SSBP3: variants seen among roughly 807,000 people sequenced by gnomAD.
SSBP3 encodes the protein single-stranded DNA-binding protein 3.
SSBP3 carries 5 observed loss-of-function variants against 69.6 expected under a neutral mutation model. The ratio of observed to expected loss-of-function variants is 0.07; its 90% confidence interval spans 0.04 to 0.15. The LOEUF is 0.15. Among genes scored for constraint, SSBP3 ranks in the 10% least tolerant of loss-of-function variants. The pLI, the probability that SSBP3 is intolerant of heterozygous loss-of-function variation, is 1.00. For missense variants in SSBP3, 312 were observed against 534.0 expected (o/e 0.58, Z 4.10); for synonymous variants, 196 against 193.4 (o/e 1.01, Z -0.11).
chr1:54,366,815 G>A (rs1329475646), intron 4 of SSBP3, among the ~76,000 whole-genome samples: 1 of 152,196 alleles, frequency 6.6e-6, no homozygotes. Context: ...AAACCATTCT[G>A]ATTGAATTCT....
intron 1 of SSBP3, chr1:54,405,539 G>A (rs1423911619): frequency 1.3e-5 from 2 of 153,374 alleles, no homozygotes; most frequent in Admixed American, 6.4e-5. Flanking sequence ...CGGACAAAAG[G>A]AGGCTTCGGG....
intron 4 of SSBP3, among the ~76,000 whole-genome samples, chr1:54,303,406 C>G (rs1386426246): frequency 6.6e-6 from 1 of 151,080 alleles, no homozygotes; most frequent in Non-Finnish European, 1.5e-5. Context: ...GCCCTGGCAC[C>G]AAGCCAGCCT....
chr1:54,232,547 T>C (rs1212459450), intron 14 of SSBP3, among the ~76,000 whole-genome samples: 2 of 152,160 alleles, frequency 1.3e-5, no homozygotes, highest in Non-Finnish European at 2.9e-5. Flanking sequence ...CTGGGCAACA[T>C]AGTGAGACCT....
intron 4 of SSBP3, among the ~76,000 whole-genome samples, chr1:54,395,890 G>C (rs1163953892): frequency 6.6e-6 from 1 of 151,830 alleles, no homozygotes; most frequent in Non-Finnish European, 1.5e-5. Context: ...CCTTGCCAAG[G>C]CTACAAAAAA....
At chr1:54,378,861 TC>T (rs1234189704) in intron 4 of SSBP3, among the ~76,000 whole-genome samples, 4 of 152,156 alleles carry the variant, frequency 2.6e-5, no homozygotes, top group Non-Finnish European at 5.9e-5. Context: ...TTTATCCTCC[TC>T]CGAGGAAGGA....
chr1:54,302,632 T>C (rs1028162007), intron 4 of SSBP3, among the ~76,000 whole-genome samples: 1 of 152,206 alleles, frequency 6.6e-6, no homozygotes, highest in African/African-American at 2.4e-5. Flanking sequence ...TTATCCATCA[T>C]TGCCTCCCCA....
intron 4 of SSBP3, among the ~76,000 whole-genome samples, chr1:54,327,220 G>GGAAC (rs1407914154): frequency 1.7e-5 from 1 of 60,118 alleles, no homozygotes; most frequent in Non-Finnish European, 3.7e-5. Context: ...AGAGGGAAAA[G>GGAAC]GAAGGAAGGA....
intron 4 of SSBP3, among the ~76,000 whole-genome samples, chr1:54,326,141 T>G (rs1444657181): frequency 6.6e-6 from 1 of 152,166 alleles, no homozygotes; most frequent in Non-Finnish European, 1.5e-5. Flanking sequence ...GGTAATCTGA[T>G]GATCGCAGTG....
intron 4 of SSBP3, among the ~76,000 whole-genome samples, chr1:54,354,419 C>T (rs1294398953): frequency 1.3e-5 from 2 of 152,188 alleles, no homozygotes; most frequent in African/African-American, 2.4e-5. Context: ...ACGGCAAACC[C>T]GAGAACTACA....
At chr1:54,324,793 G>A (rs1422452733) in intron 4 of SSBP3, among the ~76,000 whole-genome samples, 1 of 152,144 alleles carries the variant, frequency 6.6e-6, no homozygotes, top group East Asian at 1.9e-4. Context: ...GATTTAGTAC[G>A]CTGGCCCCTG....
rs138047010 is a variant in SSBP3, at chr1:54,395,793, G to C, written c.276+6068C>G. On this transcript the variant is annotated intron_variant, in intron 4 of 17. Coordinates refer to ENST00000610401, the Ensembl canonical transcript of SSBP3. ...ATTCACATGGGAGTCCAAGCCACCA[G>C]TCACAACCCAAATCCTTTAAAATCC... is the stretch of plus-strand genomic sequence containing the variant. 4.6e-5 allele frequency among the ~76,000 whole-genome samples: 7 copies of C among 152,266 alleles called. No homozygotes were observed. The East Asian group carries it at 1.4e-3, about 29-fold the overall frequency.
At chr1:54,310,982 A>G (rs1243617844) in intron 4 of SSBP3, among the ~76,000 whole-genome samples, 1 of 152,116 alleles carries the variant, frequency 6.6e-6, no homozygotes, top group Non-Finnish European at 1.5e-5. Flanking sequence ...CCCACCCACA[A>G]TCTCTCTAGA....
intron 4 of SSBP3, among the ~76,000 whole-genome samples, chr1:54,362,619 C>T (rs1646967115): frequency 6.6e-6 from 1 of 152,240 alleles, no homozygotes; most frequent in South Asian, 2.1e-4. Context: ...GGAAGGAACA[C>T]TCAGTGGTAT....
chr1:54,267,978 C>G (rs1645130022), intron 5 of SSBP3, among the ~76,000 whole-genome samples: 1 of 152,220 alleles, frequency 6.6e-6, no homozygotes, highest in Non-Finnish European at 1.5e-5. Context: ...GCAATCCTCC[C>G]ACCTCAGCCT....
chr1:54,343,345 T>G (rs901158318), intron 4 of SSBP3, among the ~76,000 whole-genome samples: 4 of 152,228 alleles, frequency 2.6e-5, no homozygotes, highest in Admixed American at 2.6e-4. Flanking sequence ...TTTGCTCATC[T>G]GTGAACAGGG....
rs922640695 is a variant in SSBP3, at chr1:54,243,556, CAT to C, written c.652-259_652-258del. On this transcript the variant is annotated intron_variant, in intron 9 of 17. Coordinates refer to ENST00000610401, the Ensembl canonical transcript of SSBP3. ...GCTTTCAAGATGAAGTTCTCAAAAA[CAT>C]GTGGCTATCCAGCAAGCCGCTGCCC... Among the ~76,000 whole-genome samples, 5 of 152,318 alleles carry C rather than the reference CAT, an allele frequency of 3.3e-5. No individual in the cohort carries two copies. The East Asian group carries it at 7.7e-4, about 23-fold the overall frequency.
chr1:54,238,513 G>A, intron 14 of SSBP3: 1 of 369,800 alleles, frequency 2.7e-6, no homozygotes, highest in Non-Finnish European at 5.6e-6. Context: ...GAGGAGACAG[G>A]CTGCAGCTGA....
chr1:54,378,066 T>G (rs1028486487), intron 4 of SSBP3, among the ~76,000 whole-genome samples: 1 of 152,164 alleles, frequency 6.6e-6, no homozygotes. Context: ...CCCGGTCCCC[T>G]GCACTCTCCT....
chr1:54,290,165 TCA>T (rs982802300), intron 4 of SSBP3, among the ~76,000 whole-genome samples: 1 of 152,220 alleles, frequency 6.6e-6, no homozygotes. Flanking sequence ...TTAAAAGTGG[TCA>T]CCTGGAAACA....
Sources: gnomAD v4.1 joint callset for allele counts (sites outside exome capture counted in the v4.1 genomes callset) on GRCh38, gnomAD v4.1.1 for gene constraint, MANE v1.5 for transcripts, NCBI Gene and HGNC (gene_info 2026-07-23, HGNC 2026-07-21) for gene names.